DPP10: variants seen among roughly 807,000 people sequenced by gnomAD.
DPP10 encodes the protein dipeptidyl peptidase like 10, also known as inactive dipeptidyl peptidase 10.
Under a neutral mutation model 120.9 loss-of-function variants are expected in DPP10, and 33 were observed. The observed-to-expected ratio is 0.27, with a 90% confidence interval of 0.21 to 0.37. The LOEUF (loss-of-function observed/expected upper bound fraction) is 0.37, where lower values mean the gene tolerates loss of function less well. DPP10 is among the 10% of genes least tolerant of loss of function. DPP10 has a pLI of 1.00. For synonymous variants in DPP10, 337 were observed against 326.1 expected (o/e 1.03, Z -0.36); for missense variants, 816 against 942.8 (o/e 0.87, Z 1.76).
In DPP10 at chr2:115,762,604, T is replaced by C; in HGVS notation, c.1107T>C (p.Ser369=). The C allele has an allele frequency of 6.2e-7, 1 of 1,613,496 alleles. No homozygotes were observed. Among genetic ancestry groups the C allele is most frequent in the Non-Finnish European group, 8.5e-7 (1 of 1,179,890 alleles). Residue 369 remains serine, a synonymous_variant, in exon 12 of 26, where the codon TCT becomes TCC. Coordinates refer to ENST00000410059, the MANE Select transcript of DPP10 (RefSeq NM_020868.6). ...KYEMTSDTWL[S]QQNEEPVFSR... is the part of the protein sequence containing the mutation. ...AGATGACATCAGATACGTGGCTCTC[T>C]CAGCAGGTACAGTATAGGTGGTCTG... is the stretch of plus-strand genomic sequence containing the variant.
intron 5 of DPP10, among the ~76,000 whole-genome samples, chr2:115,601,240 G>C (rs1047235963): frequency 9.2e-5 from 14 of 152,166 alleles, no homozygotes; most frequent in Non-Finnish European, 1.8e-4. Context: ...TAAGCGTGAT[G>C]AATCTAACTT....
chr2:114,820,722 G>C (rs1264406276), intron 1 of DPP10, among the ~76,000 whole-genome samples: 1 of 152,172 alleles, frequency 6.6e-6, no homozygotes, highest in African/African-American at 2.4e-5. Flanking sequence ...CACAAGAACA[G>C]CATGGGGGAA....
chr2:114,994,756 A>T (rs1700970645), intron 1 of DPP10, among the ~76,000 whole-genome samples: 1 of 152,214 alleles, frequency 6.6e-6, no homozygotes, highest in Admixed American at 6.5e-5. Flanking sequence ...GGGAGCCTGA[A>T]AAATGCAGCT....
intron 1 of DPP10, among the ~76,000 whole-genome samples, chr2:115,084,427 A>G (rs1708525655): frequency 6.6e-6 from 1 of 152,224 alleles, no homozygotes; most frequent in African/African-American, 2.4e-5. Flanking sequence ...CCTCAGGGAA[A>G]CGTCCAAGGT....
chr2:115,185,750 G>T (rs2054391788), intron 1 of DPP10, among the ~76,000 whole-genome samples: 1 of 152,108 alleles, frequency 6.6e-6, no homozygotes, highest in Non-Finnish European at 1.5e-5. Context: ...AATTCAGTGT[G>T]GCAGGAACTC....
At chr2:114,676,799 G>A (rs17040469) in intron 1 of DPP10, among the ~76,000 whole-genome samples, 7,347 of 151,892 alleles carry the variant, frequency 0.048, 215 homozygotes, top group South Asian at 0.089. Flanking sequence ...ATTCTTTCCC[G>A]CAAGACTAGA....
chr2:115,698,074 C>T (rs1290731580), intron 7 of DPP10, among the ~76,000 whole-genome samples: 1 of 152,168 alleles, frequency 6.6e-6, no homozygotes, highest in African/African-American at 2.4e-5. Flanking sequence ...CGTACACGTT[C>T]TTTCACGGGC....
intron 1 of DPP10, among the ~76,000 whole-genome samples, chr2:114,471,653 A>G (rs1457788017): frequency 6.6e-6 from 1 of 152,202 alleles, no homozygotes; most frequent in Non-Finnish European, 1.5e-5. Context: ...TCCTAAAATG[A>G]CGTGGGTTGT....
At chr2:115,598,393 T>C (rs1225224615) in intron 5 of DPP10, among the ~76,000 whole-genome samples, 1 of 152,030 alleles carries the variant, frequency 6.6e-6, no homozygotes, top group Non-Finnish European at 1.5e-5. Context: ...TCTTAATTAC[T>C]TGAATATATT....
At chr2:114,607,573 TG>T (rs1692921557) in intron 1 of DPP10, among the ~76,000 whole-genome samples, 1 of 152,188 alleles carries the variant, frequency 6.6e-6, no homozygotes, top group Non-Finnish European at 1.5e-5. Context: ...TGTGAGACTC[TG>T]GCTTCATCAT....
At chr2:114,981,766 G>T (rs1700104890) in intron 1 of DPP10, among the ~76,000 whole-genome samples, 1 of 145,346 alleles carries the variant, frequency 6.9e-6, no homozygotes, top group African/African-American at 2.5e-5. Context: ...GTTTTGTTTT[G>T]TTTTTTGTTT....
intron 3 of DPP10, among the ~76,000 whole-genome samples, chr2:115,362,967 T>C (rs1034177471): frequency 1.3e-5 from 2 of 152,216 alleles, no homozygotes; most frequent in Non-Finnish European, 2.9e-5. Flanking sequence ...GTATCCTCTT[T>C]TGTGCAGTCA....
chr2:115,487,163 A>C (rs1391389294), intron 3 of DPP10, among the ~76,000 whole-genome samples: 2 of 150,058 alleles, frequency 1.3e-5, no homozygotes, highest in African/African-American at 2.5e-5. Flanking sequence ...TAGGAATCCA[A>C]CTTACAAGGG....
At chr2:115,807,853 C>A (rs1223035934) in intron 19 of DPP10, among the ~76,000 whole-genome samples, 1 of 148,588 alleles carries the variant, frequency 6.7e-6, no homozygotes. Flanking sequence ...TTTAAAAACA[C>A]GAAAAATTCT....
intron 1 of DPP10, among the ~76,000 whole-genome samples, chr2:114,824,924 AC>A (rs1686399013): frequency 2.6e-5 from 4 of 152,124 alleles, no homozygotes; most frequent in East Asian, 1.9e-4. Flanking sequence ...ATAAGATGAA[AC>A]CCTGGTAACC....
Position 115,747,949 on chromosome 2 carries a change from G to A in DPP10, c.950+1766G>A, listed in dbSNP as rs1678206092. On this transcript the variant is annotated intron_variant, in intron 10 of 25. Coordinates refer to ENST00000410059, the MANE Select transcript of DPP10 (RefSeq NM_020868.6). The stretch of plus-strand genomic sequence containing the variant: ...TTTCCTTTCAAAAAAAGTTTGCAAT[G>A]GGAATCAAATTTACAATATCCATGT... Among the ~76,000 whole-genome samples the A allele has an allele frequency of 2.0e-5, 3 of 152,068 alleles. No homozygotes were observed. The South Asian group carries it at 6.2e-4, about 31-fold the overall frequency.
chr2:115,808,324 A>G (rs555727108), intron 19 of DPP10, among the ~76,000 whole-genome samples: 1 of 152,218 alleles, frequency 6.6e-6, no homozygotes, highest in Non-Finnish European at 1.5e-5. Context: ...ACATAAAACC[A>G]CCTTCCCTGA....
At chr2:115,526,839 AT>A (rs2078162564) in intron 5 of DPP10, among the ~76,000 whole-genome samples, 1 of 152,100 alleles carries the variant, frequency 6.6e-6, no homozygotes, top group Admixed American at 6.6e-5. Flanking sequence ...CATGTGCTAT[AT>A]TTTTAAGGTT....
chr2:114,775,243 G>T (rs572710053), intron 1 of DPP10, among the ~76,000 whole-genome samples: 9 of 152,280 alleles, frequency 5.9e-5, no homozygotes, highest in African/African-American at 2.2e-4. Context: ...AGGTCATAAA[G>T]TGTCCAAAGA....
Sources: allele counts gnomAD v4.1 joint callset (sites outside exome capture counted in the v4.1 genomes callset), GRCh38; gene constraint gnomAD v4.1.1; transcripts MANE v1.5; gene names NCBI Gene and HGNC (gene_info 2026-07-23, HGNC 2026-07-21).